GDA: variants seen among roughly 807,000 people sequenced by gnomAD.
The protein encoded by GDA is cytoplasmic PSD-95 interactor.
Under a neutral mutation model 59.6 loss-of-function variants are expected in GDA, and 18 were observed. The ratio of observed to expected loss-of-function variants is 0.30; its 90% CI spans 0.21 to 0.45. GDA has a LOEUF of 0.45. Ranked by LOEUF, GDA falls within the 20% of genes least tolerant of loss-of-function variation. The pLI is 1.00. For missense variants in GDA, 427 were observed against 552.3 expected (o/e 0.77, Z 2.27); for synonymous variants, 201 against 201.1 (o/e 1.00, Z 0.00).
chr9:72,193,531 C>T (rs1832802180), intron 1 of GDA, among the ~76,000 whole-genome samples: 1 of 152,248 alleles, frequency 6.6e-6, no homozygotes, highest in South Asian at 2.1e-4. Context: ...GACACAAGCA[C>T]CCTTGTGGCC....
intron 1 of GDA, among the ~76,000 whole-genome samples, chr9:72,153,039 A>C (rs1403930059): frequency 6.6e-6 from 1 of 152,184 alleles, no homozygotes; most frequent in Non-Finnish European, 1.5e-5. Context: ...ACCATTTATT[A>C]AATAGGGAAT....
upstream of GDA, chr9:72,149,397 C>T (rs914591631): frequency 1.5e-6 from 1 of 666,240 alleles, no homozygotes; most frequent in Non-Finnish European, 2.4e-6. Context: ...AGCCCCTGGG[C>T]GCGGCCTGCA....
At chr9:72,237,406 C>T (rs1839137331) in intron 10 of GDA, among the ~76,000 whole-genome samples, 1 of 152,174 alleles carries the variant, frequency 6.6e-6, no homozygotes, top group Non-Finnish European at 1.5e-5. Context: ...ATCTTGAATC[C>T]TATGAAGCAC....
At chr9:72,219,383 A>G in intron 5 of GDA, 96 bp from the exon 6 acceptor site, 5 of 872,170 alleles carry the variant, frequency 5.7e-6, no homozygotes, top group Non-Finnish European at 3.6e-6. Flanking sequence ...AGCCTGGGCG[A>G]CAGAGCCAGA....
At chr9:72,126,176 C>T (rs114069994) in intron 1 of GDA, among the ~76,000 whole-genome samples, 151 of 152,198 alleles carry the variant, frequency 9.9e-4, no homozygotes, top group Middle Eastern at 6.8e-3. Flanking sequence ...GATGGGATTA[C>T]GGACGTGAGC....
intron 7 of GDA, among the ~76,000 whole-genome samples, chr9:72,225,345 G>A (rs1388767736): frequency 6.6e-6 from 1 of 152,098 alleles, no homozygotes; most frequent in Non-Finnish European, 1.5e-5. Context: ...CTTCAAGGAG[G>A]ACTTCATATT....
chr9:72,212,995 G>A (rs1032982944), intron 4 of GDA, among the ~76,000 whole-genome samples: 2 of 152,178 alleles, frequency 1.3e-5, no homozygotes, highest in Admixed American at 1.3e-4. Context: ...ACCCAGCCAA[G>A]CACAGTGGCT....
intron 1 of GDA, chr9:72,193,893 GGTGGAGGAGCCTTACCTTGT>G (rs112591892): frequency 0.073 from 11,127 of 152,344 alleles, 1,368 homozygotes; most frequent in African/African-American, 0.25. Context: ...CCTTTTTGAA[GGTGGAGGAGCCTTACCTTGT>G]GTCCACTGCC....
In GDA at chr9:72,250,505, T is replaced by C; in HGVS notation, c.*2163T>C. 7.3e-7 allele frequency: 1 copy of C among 1,375,424 alleles called. No individual in the cohort carries two copies. The highest frequency in any genetic ancestry group is 9.4e-7 in the Non-Finnish European group (1 of 1,064,432). The allele number at this position is 1,375,424 out of a possible 1,614,324, so 85.2% of individuals were successfully genotyped here. ...AATAGGATGTGTTGAAATATTTATA[T>C]GTACTTTGATCTCTCCACATCACTT... On this transcript the variant is annotated 3_prime_UTR_variant, in exon 14 of 14. Transcript: ENST00000358399.
chr9:72,213,448 A>G (rs1442103855), intron 4 of GDA, among the ~76,000 whole-genome samples: 1 of 152,108 alleles, frequency 6.6e-6, no homozygotes, highest in Non-Finnish European at 1.5e-5. Context: ...GATCTTTTAC[A>G]TTTTCATTTA....
Position 72,248,428 on chromosome 9 carries a change from A to G in GDA, c.*86A>G. 6.3e-7 allele frequency: 1 copy of G among 1,597,256 alleles called. No individual in the cohort carries two copies. The highest frequency in any genetic ancestry group is 8.5e-7 in the Non-Finnish European group (1 of 1,172,386). On this transcript the variant is annotated 3_prime_UTR_variant, in exon 14 of 14. Coordinates refer to ENST00000358399, the MANE Select transcript of GDA (RefSeq NM_004293.5). Reference sequence around the variant, plus strand: ...CCAGGTGGAGTTAGAAAGTCAAAAAATAGTACCTTGTTCTTGGGATGACTA... The same window carrying G: ...CCAGGTGGAGTTAGAAAGTCAAAAAGTAGTACCTTGTTCTTGGGATGACTA...
chr9:72,140,179 G>A (rs1215027697), intron 1 of GDA, among the ~76,000 whole-genome samples: 2 of 152,154 alleles, frequency 1.3e-5, no homozygotes, highest in Admixed American at 6.5e-5. Context: ...GTTAGGGCTG[G>A]GCATATCAGC....
At chr9:72,145,637 A>G (rs1358778751), upstream of GDA, among the ~76,000 whole-genome samples, 1 of 152,194 alleles carries the variant, frequency 6.6e-6, no homozygotes, top group Non-Finnish European at 1.5e-5. Context: ...GCCTCAGGCA[A>G]TTGGAGGTTT....
At chr9:72,206,208 C>G (rs1834678203) in intron 3 of GDA, among the ~76,000 whole-genome samples, 1 of 152,050 alleles carries the variant, frequency 6.6e-6, no homozygotes, top group Non-Finnish European at 1.5e-5. Context: ...ACATTTTTTT[C>G]TATCTCTATG....
At chr9:72,158,890 T>G (rs1274063604) in intron 1 of GDA, among the ~76,000 whole-genome samples, 1 of 151,968 alleles carries the variant, frequency 6.6e-6, no homozygotes, top group East Asian at 1.9e-4. Context: ...ATCATCATCA[T>G]CATCATCATC....
intron 1 of GDA, among the ~76,000 whole-genome samples, chr9:72,133,722 G>A (rs1340411681): frequency 6.6e-6 from 1 of 152,190 alleles, no homozygotes; most frequent in Non-Finnish European, 1.5e-5. Flanking sequence ...TGGCTTCTTA[G>A]AAATATTCTC....
At chr9:72,168,663 T>TA (rs1481305242) in intron 1 of GDA, among the ~76,000 whole-genome samples, 1 of 152,088 alleles carries the variant, frequency 6.6e-6, no homozygotes, top group Non-Finnish European at 1.5e-5. Context: ...AAAGTGCTGA[T>TA]ACCCTGTCTT....
chr9:72,201,046 ACAT>A (rs749896771), intron 2 of GDA, among the ~76,000 whole-genome samples: 3 of 152,068 alleles, frequency 2.0e-5, no homozygotes, highest in Non-Finnish European at 2.9e-5. Context: ...TGTGAACATT[ACAT>A]CATCATCATC....
At chr9:72,203,608 C>T (rs901127378) in intron 3 of GDA, among the ~76,000 whole-genome samples, 7 of 152,134 alleles carry the variant, frequency 4.6e-5, no homozygotes, top group African/African-American at 1.7e-4. Context: ...GCAAATGCTG[C>T]CTTGTCTGAT....
Sources: allele counts gnomAD v4.1 joint callset (sites outside exome capture counted in the v4.1 genomes callset), GRCh38; gene constraint gnomAD v4.1.1; transcripts MANE v1.5; gene names NCBI Gene and HGNC (gene_info 2026-07-23, HGNC 2026-07-21).